The following CC2D1A variants were observed in gnomAD, a reference collection of about 807,000 sequenced individuals.
CC2D1A encodes coiled-coil and C2 domain-containing protein 1A.
A neutral mutation model predicts 123.8 loss-of-function variants in CC2D1A; 68 were observed. The observed-to-expected ratio is 0.55, with a 90% CI of 0.45 to 0.67. CC2D1A has a LOEUF of 0.67. CC2D1A is among the 30% of genes least tolerant of loss of function. CC2D1A has a pLI of 0.00. For synonymous variants in CC2D1A, 477 were observed against 528.0 expected (o/e 0.90, Z 1.32); for missense variants, 1,185 against 1,290.3 (o/e 0.92, Z 1.25).
At chr19:13,920,141 C>T (rs2145336007) in intron 12 of CC2D1A, 190 bp downstream of exon 12, 1 of 552,270 alleles carries the variant, frequency 1.8e-6, no homozygotes. Flanking sequence ...GTCCCTGCTA[C>T]TTGGGAGACT....
At chr19:13,911,461 CAGAG>C (rs938313184) in intron 2 of CC2D1A, among the ~76,000 whole-genome samples, 2 of 152,078 alleles carry the variant, frequency 1.3e-5, no homozygotes, top group South Asian at 4.2e-4. Context: ...AACTGAGGCT[CAGAG>C]AGGTGACATC....
chr19:13,919,458 G>C (rs1001590296), intron 11 of CC2D1A, among the ~76,000 whole-genome samples: 1 of 152,180 alleles, frequency 6.6e-6, no homozygotes, highest in Non-Finnish European at 1.5e-5. Context: ...TGGCAAACCG[G>C]CTGGACGAGG....
chr19:13,930,254 G>T lies in CC2D1A; in HGVS notation c.2800G>T (p.Glu934Ter). The change falls in exon 28 of 29, where the codon GAG becomes TAG. Residue 934 changes from glutamate (E) to a stop codon, truncating the protein, a stop_gained. Transcript: ENST00000318003. LOFTEE classifies it high-confidence loss of function. The surrounding 1 kb of genome is among the most constrained non-coding windows in gnomAD (Gnocchi z 6.8). The part of the protein sequence containing the change: ...GNDGSRDAAK[E>*]ALYRRNLVES... ...CCATCCCCCACAGGATGCTGCAAAG[G>T]AGGCGCTCTATAGGCGGAATCTGGT... 1 of 1,613,986 alleles carries T rather than the reference G, an allele frequency of 6.2e-7. No individual in the cohort carries two copies. Among genetic ancestry groups the T allele is most frequent in the Admixed American group, 1.7e-5 (1 of 60,008 alleles).
chr19:13,929,221 G>A (rs906809492), intron 24 of CC2D1A, among the ~76,000 whole-genome samples, 158 bp from the exon 25 acceptor site: 3 of 151,820 alleles, frequency 2.0e-5, no homozygotes, highest in Non-Finnish European at 4.4e-5. Context: ...TGGCCAGGCT[G>A]GTCTCGAACT....
chr19:13,913,820 T>G (rs924774909), intron 6 of CC2D1A, among the ~76,000 whole-genome samples, 182 bp downstream of exon 6: 1 of 151,544 alleles, frequency 6.6e-6, no homozygotes, highest in Non-Finnish European at 1.5e-5. Context: ...ACCCAGAGAG[T>G]TTTTTTTGTT....
chr19:13,910,422 A>AAAAAAAG (rs1970962055), intron 2 of CC2D1A, among the ~76,000 whole-genome samples: 1 of 150,972 alleles, frequency 6.6e-6, no homozygotes, highest in African/African-American at 2.4e-5. Flanking sequence ...AAAAAAAAAA[A>AAAAAAAG]AAAAAAAAGA....
chr19:13,925,933 AATAT>A (rs1210738190), intron 17 of CC2D1A, among the ~76,000 whole-genome samples: 1,493 of 90,930 alleles, frequency 0.016, 25 homozygotes, highest in South Asian at 0.024. Flanking sequence ...AAAAAAAAAA[AATAT>A]ATATATATAT....
Position 13,920,764 on chromosome 19 carries a change from G to A in CC2D1A, c.1483G>A (p.Ala495Thr), listed in dbSNP as rs750896958. ...TATGCCCACAGCCCAGCAGCAGCTG[G>A]CCTTCCTAGAGGGCCGCAAGAAGCA... Reference protein sequence around the residue: ...ATSTRAQQQLAFLEGRKKQLL... With the variant: ...ATSTRAQQQLTFLEGRKKQLL... The change falls in exon 14 of 29, where the codon GCC becomes ACC. Residue 495 changes from alanine (A) to threonine (T), a missense_variant. Transcript: ENST00000318003. 3 of 1,612,622 alleles carry A rather than the reference G, an allele frequency of 1.9e-6. No homozygotes were observed. Among genetic ancestry groups the A allele is most frequent in the South Asian group, 1.1e-5 (1 of 91,040 alleles).
chr19:13,908,527 C>A (rs377669772), intron 1 of CC2D1A, among the ~76,000 whole-genome samples: 16 of 151,660 alleles, frequency 1.1e-4, no homozygotes, highest in African/African-American at 3.9e-4. Flanking sequence ...AGTTTGGTGG[C>A]GCAATCTCAG....
chr19:13,919,249 T>G lies in CC2D1A; in HGVS notation c.1222+47T>G, dbSNP rs548557019. 9.8e-4 allele frequency: 1,413 copies of G among 1,443,852 alleles called. 13 individuals carry two copies. The African/African-American group carries it at 0.017, about 18-fold the overall frequency. 89.4% of individuals were successfully genotyped at this position (1,443,852 alleles called of 1,614,324 possible). A position where few individuals can be genotyped will look rare whatever the true frequency, so the allele number is the denominator to read the frequency against. On this transcript the variant is annotated intron_variant, in intron 11 of 28. Coordinates refer to ENST00000318003, the MANE Select transcript of CC2D1A (RefSeq NM_017721.5). ...CTCGCCCCAGTAGGCCCCGCCCCCGTAGGCCCCGCCCCCAGAGGCCCCGCC... is the reference window on the plus strand; with the variant it reads ...CTCGCCCCAGTAGGCCCCGCCCCCGGAGGCCCCGCCCCCAGAGGCCCCGCC...
chr19:13,927,510 G>A, intron 22 of CC2D1A: 1 of 529,846 alleles, frequency 1.9e-6, no homozygotes, highest in Admixed American at 3.1e-5. Context: ...CAGGCATGGT[G>A]GCTCATGCCT....
At chr19:13,918,030 C>T in intron 6 of CC2D1A, 40 bp from the exon 7 acceptor site, 1 of 1,605,284 alleles carries the variant, frequency 6.2e-7, no homozygotes, top group Non-Finnish European at 8.5e-7. Flanking sequence ...GAACTTGGCC[C>T]AGGCCCTGGA....
chr19:13,917,494 C>G (rs565212132), intron 6 of CC2D1A, among the ~76,000 whole-genome samples: 1 of 152,214 alleles, frequency 6.6e-6, no homozygotes, highest in East Asian at 1.9e-4. Context: ...CACCTGTAAT[C>G]CTACTTTGGG....
Position 13,915,314 on chromosome 19 carries a change from C to T in CC2D1A, c.748+1676C>T, listed in dbSNP as rs574042874. On this transcript the variant is annotated intron_variant, in intron 6 of 28. Transcript: ENST00000318003. Reference sequence around the variant, plus strand: ...AGGCTGGAGTGCGATGGCGTGATCTCGGCTCACTGCAACCTCCGCCTCCCA... The same window carrying T: ...AGGCTGGAGTGCGATGGCGTGATCTTGGCTCACTGCAACCTCCGCCTCCCA... 5.9e-5 allele frequency among the ~76,000 whole-genome samples: 9 copies of T among 152,310 alleles called. No homozygotes were observed. In the South Asian group the frequency reaches 1.4e-3, roughly 25 times the overall value.
chr19:13,911,793 G>A lies in CC2D1A; in HGVS notation c.197-530G>A, dbSNP rs187203521. 6.3e-3 allele frequency among the ~76,000 whole-genome samples: 858 copies of A among 135,158 alleles called. 11 individuals carry two copies. Among genetic ancestry groups the A allele is most frequent in the African/African-American group, 0.022 (799 of 35,788 alleles). The allele number at this position is 135,158 out of a possible 152,430, so 88.7% of individuals were successfully genotyped here. A position where few individuals can be genotyped will look rare whatever the true frequency, so the allele number is the denominator to read the frequency against. On this transcript the variant is annotated intron_variant, in intron 2 of 28. Transcript: ENST00000318003. ...TACAGTGGCGCGATCTTGGCTCACCGCAAGCTCCGCCTCCTAGGTTCACGC... is the reference window on the plus strand; with the variant it reads ...TACAGTGGCGCGATCTTGGCTCACCACAAGCTCCGCCTCCTAGGTTCACGC...
Position 13,930,550 on chromosome 19 carries a change from G to A in CC2D1A, c.*155G>A, listed in dbSNP as rs1009623610. On this transcript the variant is annotated 3_prime_UTR_variant, in exon 29 of 29. Transcript: ENST00000318003. This position sits in a 1 kb window ranked among gnomAD's most constrained non-coding sequence, Gnocchi z 6.8. ...GGCCCCCAGCCCCGCCAGAGCCTCC[G>A]TGGCTGCGGGTGTTGGGAACCATGC... 1.1e-5 allele frequency: 9 copies of A among 817,440 alleles called. No individual in the cohort carries two copies. Among genetic ancestry groups the A allele is most frequent in the African/African-American group, 1.7e-5 (1 of 57,842 alleles). 50.6% of individuals were successfully genotyped at this position (817,440 alleles called of 1,614,324 possible). A position where few individuals can be genotyped will look rare whatever the true frequency, so the allele number is the denominator to read the frequency against.
intron 14 of CC2D1A, 106 bp downstream of exon 14, chr19:13,921,028 G>A: frequency 1.9e-6 from 2 of 1,079,134 alleles, no homozygotes; most frequent in Non-Finnish European, 2.6e-6. Flanking sequence ...TCCAGCTGCT[G>A]TAACAAATAG....
chr19:13,910,556 C>T (rs751083751), intron 2 of CC2D1A, among the ~76,000 whole-genome samples: 3 of 151,864 alleles, frequency 2.0e-5, no homozygotes, highest in Admixed American at 6.6e-5. Flanking sequence ...GAATAATAAC[C>T]ATGTTATAGG....
chr19:13,907,782 A>G (rs900647992), intron 1 of CC2D1A, among the ~76,000 whole-genome samples: 1 of 152,222 alleles, frequency 6.6e-6, no homozygotes, highest in Non-Finnish European at 1.5e-5. Flanking sequence ...TCATTGAGAT[A>G]GTTTATGGAA....
Sources: gnomAD v4.1 joint callset for allele counts (sites outside exome capture counted in the v4.1 genomes callset) on GRCh38, gnomAD v4.1.1 for gene constraint, Gnocchi (gnomAD v3.1) non-coding constraint, MANE v1.5 for transcripts, NCBI Gene and HGNC (gene_info 2026-07-23, HGNC 2026-07-21) for gene names.